The following ADGRF5 variants were observed in gnomAD, a reference collection of about 807,000 sequenced individuals.
ADGRF5 encodes G-protein coupled receptor 116.
A neutral mutation model predicts 132.3 loss-of-function variants in ADGRF5; 75 were observed. That is an observed-to-expected ratio of 0.57 (90% CI 0.47 to 0.69). The LOEUF (loss-of-function observed/expected upper bound fraction) is 0.69. Among genes scored for constraint, ADGRF5 ranks in the 30% least tolerant of loss-of-function variants. The pLI is 0.00. For synonymous variants in ADGRF5, 629 were observed against 597.6 expected (o/e 1.05, Z -0.77); for missense variants, 1,516 against 1,630.6 (o/e 0.93, Z 1.21).
At chr6:46,907,113 C>T (rs1775466205) in intron 1 of ADGRF5, among the ~76,000 whole-genome samples, 1 of 151,910 alleles carries the variant, frequency 6.6e-6, no homozygotes, top group Non-Finnish European at 1.5e-5. Context: ...TCGCTACATG[C>T]AATATACTTT....
chr6:46,883,862 C>T (rs1315086166), intron 5 of ADGRF5, among the ~76,000 whole-genome samples, 197 bp from the exon 6 acceptor site: 1 of 152,212 alleles, frequency 6.6e-6, no homozygotes, highest in Non-Finnish European at 1.5e-5. Context: ...CTGCCTCACC[C>T]TCCCGAGTAG....
intron 10 of ADGRF5, among the ~76,000 whole-genome samples, chr6:46,875,457 G>A (rs1011278687): frequency 6.6e-6 from 1 of 152,142 alleles, no homozygotes; most frequent in African/African-American, 2.4e-5. Flanking sequence ...TGTGGGGAGT[G>A]GAGAAAAACC....
Position 46,868,991 on chromosome 6 carries a change from T to C in ADGRF5, c.1513A>G (p.Asn505Asp). The change falls in exon 12 of 21, where the codon AAC becomes GAC. Residue 505 changes from asparagine (N) to aspartate (D), a missense_variant. Physicochemically the swap from Asn to Asp is conservative, Grantham distance 23. This residue lies in a region of ADGRF5 where 945 missense variants were observed against 929.4 expected (regional missense o/e 1.02). Transcript: ENST00000283296. ...TATATTTTAATTCCAGCAGAAGTGTTCCAATAAACCTCATCATAGTTACTC... is the reference window on the plus strand; with the variant it reads ...TATATTTTAATTCCAGCAGAAGTGTCCCAATAAACCTCATCATAGTTACTC... ...DVSNYDEVYWNTSAGIKIYQR... is the reference protein window; with the variant it reads ...DVSNYDEVYWDTSAGIKIYQR... 6.2e-7 allele frequency: 1 copy of C among 1,612,940 alleles called. No individual in the cohort carries two copies. Among genetic ancestry groups the C allele is most frequent in the Non-Finnish European group, 8.5e-7 (1 of 1,178,876 alleles).
chr6:46,897,137 C>CAT (rs141139823), intron 3 of ADGRF5, among the ~76,000 whole-genome samples: 13,242 of 143,592 alleles, frequency 0.092, 650 homozygotes, highest in Middle Eastern at 0.11. Flanking sequence ...CATATGCATG[C>CAT]ATATATATAC....
intron 13 of ADGRF5, among the ~76,000 whole-genome samples, chr6:46,866,401 T>C (rs868581603): frequency 1.3e-5 from 2 of 152,252 alleles, no homozygotes; most frequent in Middle Eastern, 3.4e-3. Context: ...GAGCACAGTC[T>C]TTACTTTTAT....
Position 46,859,149 on chromosome 6 carries a change from A to G in ADGRF5, c.2754T>C (p.Phe918=). Residue 918 remains phenylalanine (F), a synonymous_variant, in exon 17 of 21, where the codon TTT becomes TTC. Transcript: ENST00000283296. The stretch of plus-strand genomic sequence containing the variant: ...TGGTTGTCATCACTAAGCTCTCTGC[A>G]AAGTTATTTTCCTGGATATCCTGGG... The part of the protein sequence containing the change: ...ILAQDIQENN[F]AESLVMTTTV... 1 of 1,614,108 alleles carries G rather than the reference A, an allele frequency of 6.2e-7. No individual in the cohort carries two copies. Among genetic ancestry groups the G allele is most frequent in the Non-Finnish European group, 8.5e-7 (1 of 1,179,964 alleles).
Position 46,867,011 on chromosome 6 carries a change from C to T in ADGRF5, c.1748G>A (p.Ser583Asn), listed in dbSNP as rs1770525837. The change falls in exon 13 of 21, where the codon AGT (serine) becomes AAT (asparagine). Residue 583 changes from serine to asparagine, a missense_variant. Physicochemically the swap from Ser to Asn is conservative, Grantham distance 46. Around this residue, in one of 2 missense-constraint regions of ADGRF5, gnomAD observed 945 missense variants for 929.4 expected, o/e 1.02. Transcript: ENST00000283296. The part of the protein sequence containing the change: ...VDPLEATVSC[S>N]GSHHIKCCIE... ...GCAGCACTTGATGTGATGGGAACCA[C>T]TGCATGAAACAGTAGCTTCCAAAGG... The T allele has an allele frequency of 6.2e-7, 1 of 1,613,894 alleles. No individual in the cohort carries two copies. The highest frequency in any genetic ancestry group is 1.7e-5 in the Admixed American group (1 of 60,020).
chr6:46,929,236 G>A lies in ADGRF5; in HGVS notation c.-24-22450C>T, dbSNP rs1393657540. On this transcript the variant is annotated intron_variant, in intron 1 of 20. Coordinates refer to the ADGRF5 transcript ENST00000265417. ...AAACGGTCATTCTCAGCAAACTATC[G>A]CAAGGACAAAAAACCAAACACCTCA... Among the ~76,000 whole-genome samples the A allele has an allele frequency of 5.9e-5, 9 of 152,008 alleles. No individual in the cohort carries two copies. In the East Asian group the frequency reaches 9.7e-4, roughly 16 times the overall value.
intron 1 of ADGRF5, among the ~76,000 whole-genome samples, chr6:46,917,843 C>T (rs890494513): frequency 3.9e-5 from 6 of 152,178 alleles, no homozygotes; most frequent in Non-Finnish European, 8.8e-5. Context: ...CACATGTATA[C>T]CTATGTAACA....
Position 46,863,014 on chromosome 6 carries a change from G to A in ADGRF5, c.2073C>T (p.Asn691=), listed in dbSNP as rs201435302. 7.4e-6 allele frequency: 12 copies of A among 1,613,686 alleles called. No individual in the cohort carries two copies. Among genetic ancestry groups the A allele is most frequent in the African/African-American group, 1.3e-5 (1 of 74,880 alleles). ...KVIQKLCRFS[N]VPSSPESPIG... ...TGGGACTCTCAGGGCTGCTGGGAAC[G>A]TTTGAGAACCGGCATAGCTTCTGGA... The change falls in exon 15 of 21, where the codon AAC becomes AAT. Residue 691 remains asparagine (N), a synonymous_variant. Transcript: ENST00000283296.
chr6:46,898,052 A>G (rs941252172), intron 3 of ADGRF5, among the ~76,000 whole-genome samples: 6 of 152,222 alleles, frequency 3.9e-5, no homozygotes, highest in African/African-American at 2.4e-5. Flanking sequence ...ACATCTTTTC[A>G]TGTTGATTTA....
In ADGRF5 at chr6:46,887,224, A is replaced by G. The variant is rs115734187; in HGVS notation, c.328+1111T>C. Among the ~76,000 whole-genome samples, 1,037 of 152,326 alleles carry G rather than the reference A, an allele frequency of 6.8e-3. 13 individuals are homozygous for G. The highest frequency in any genetic ancestry group is 0.024 in the African/African-American group (990 of 41,572). On this transcript the variant is annotated intron_variant, in intron 4 of 20. Coordinates refer to ENST00000283296, the MANE Select transcript of ADGRF5 (RefSeq NM_001098518.2). ...TACTAGCACCTACAGAGATACCAAA[A>G]GGTTTCTGTTAAAAAATTTGGGAAG...
At chr6:46,892,576 G>A (rs549241930) in intron 3 of ADGRF5, among the ~76,000 whole-genome samples, 10 of 151,776 alleles carry the variant, frequency 6.6e-5, no homozygotes, top group Non-Finnish European at 1.0e-4. Context: ...ACAGTGAAAC[G>A]CCATCTCTAC....
chr6:46,949,194 T>G (rs1458030949), intron 1 of ADGRF5, among the ~76,000 whole-genome samples: 1 of 152,222 alleles, frequency 6.6e-6, no homozygotes, highest in Admixed American at 6.5e-5. Flanking sequence ...TGCTTATAAC[T>G]GTTTCTGTTG....
intron 9 of ADGRF5, among the ~76,000 whole-genome samples, chr6:46,879,287 G>A (rs186803352): frequency 3.3e-5 from 5 of 151,626 alleles, no homozygotes; most frequent in East Asian, 3.9e-4. Context: ...TTAATACCAC[G>A]GTGATATGAT....
chr6:46,923,061 G>A (rs1777067602), upstream of ADGRF5, among the ~76,000 whole-genome samples: 1 of 152,120 alleles, frequency 6.6e-6, no homozygotes, highest in Admixed American at 6.6e-5. Flanking sequence ...CCAGTAGCTG[G>A]GACTGTAGGT....
At chr6:46,890,236 G>C in intron 3 of ADGRF5, among the ~76,000 whole-genome samples, 1 of 151,926 alleles carries the variant, frequency 6.6e-6, no homozygotes, top group East Asian at 2.0e-4. Context: ...GGGACTACAA[G>C]CTCATACCAT....
At chr6:46,871,444 G>A (rs1581778370) in intron 11 of ADGRF5, among the ~76,000 whole-genome samples, 1 of 152,116 alleles carries the variant, frequency 6.6e-6, no homozygotes, top group East Asian at 1.9e-4. Context: ...AGTGAGCCAG[G>A]CTGTTGGAAT....
At chr6:46,864,648 C>G (rs1770190327) in intron 14 of ADGRF5, among the ~76,000 whole-genome samples, 1 of 152,038 alleles carries the variant, frequency 6.6e-6, no homozygotes. Context: ...CCTCAGCCTC[C>G]CGAGCAGCTG....
Sources: allele counts gnomAD v4.1 joint callset (sites outside exome capture counted in the v4.1 genomes callset), GRCh38; gene constraint gnomAD v4.1.1; regional missense constraint gnomAD v4.1.1; transcripts MANE v1.5; gene names NCBI Gene and HGNC (gene_info 2026-07-23, HGNC 2026-07-21).